The following ARMH1 variants were observed in gnomAD, a reference collection of about 807,000 sequenced individuals.
The protein encoded by ARMH1 is armadillo-like helical domain containing protein 1.
In ARMH1, 34 loss-of-function variants were observed where a neutral mutation model predicts 50.2. That is an observed-to-expected ratio of 0.68 (90% CI 0.51 to 0.90). The LOEUF is 0.90. Among genes scored for constraint, ARMH1 ranks in the 40% least tolerant of loss-of-function variants. The probability of loss-of-function intolerance (pLI) is 0.00; values close to 1 mark genes in which losing one functional copy is unlikely to be tolerated. For missense variants in ARMH1, 538 were observed against 553.9 expected, an observed-to-expected ratio of 0.97 and a Z score of 0.29; for synonymous variants, 221 against 224.2, an observed-to-expected ratio of 0.99 and a Z score of 0.13.
chr1:44,689,707 A>T lies in ARMH1; in HGVS notation c.10A>T (p.Ile4Leu), dbSNP rs1033848163. Residue 4 changes from isoleucine to leucine, a missense_variant, in exon 2 of 12, where the codon ATA becomes TTA. Transcript: ENST00000535358. The stretch of plus-strand genomic sequence containing the variant: ...TCAGGACTGATTGATCATGACTTCT[A>T]TAAAGGAGCAGGCAGCAATTAGCAG... MTS[I>L]KEQAAISRLL... 6.4e-7 allele frequency: 1 copy of T among 1,551,988 alleles called. No individual in the cohort carries two copies. The highest frequency in any genetic ancestry group is 2.4e-5 in the East Asian group (1 of 40,928).
Position 44,725,453 on chromosome 1 carries a change from T to C in ARMH1, c.*50T>C. 6.5e-7 allele frequency: 1 copy of C among 1,539,228 alleles called. No homozygotes were observed. The highest frequency in any genetic ancestry group is 8.8e-7 in the Non-Finnish European group (1 of 1,136,394). On this transcript the variant is annotated 3_prime_UTR_variant, in exon 12 of 12. Coordinates refer to ENST00000535358, the MANE Select transcript of ARMH1 (RefSeq NM_001145636.2). ...GCCAAGGCTGCGGGGCAGGGAAGCC[T>C]GGCAAGAGGAAGGCGCCTGGGGTCA... is the stretch of plus-strand genomic sequence containing the variant.
intron 6 of ARMH1, chr1:44,721,816 T>G (rs528175842): frequency 8.5e-5 from 13 of 152,200 alleles, no homozygotes; most frequent in Admixed American, 2.0e-4. Flanking sequence ...TCAAAAAATT[T>G]AACCATAAAC....
intron 6 of ARMH1, among the ~76,000 whole-genome samples, chr1:44,716,809 T>C (rs920011163): frequency 1.3e-5 from 2 of 151,944 alleles, no homozygotes; most frequent in African/African-American, 4.8e-5. Flanking sequence ...GTAGACTTAG[T>C]GGTGAAGAAT....
At chr1:44,721,051 CAAAA>C (rs770266507) in intron 6 of ARMH1, among the ~76,000 whole-genome samples, 1 of 151,254 alleles carries the variant, frequency 6.6e-6, no homozygotes, top group Non-Finnish European at 1.5e-5. Context: ...CAAAACAAAA[CAAAA>C]AAAGGGCAAA....
chr1:44,718,716 G>A (rs1286775183), intron 6 of ARMH1, among the ~76,000 whole-genome samples: 1 of 152,174 alleles, frequency 6.6e-6, no homozygotes. Flanking sequence ...AGCAGCAGTG[G>A]CTGGTTGGTC....
chr1:44,692,567 A>G (rs554365856), intron 2 of ARMH1, among the ~76,000 whole-genome samples: 4 of 152,288 alleles, frequency 2.6e-5, no homozygotes, highest in African/African-American at 9.6e-5. Flanking sequence ...AGAGGAATGA[A>G]TGACCCAGCA....
chr1:44,717,576 G>A (rs2148753882), intron 6 of ARMH1, among the ~76,000 whole-genome samples: 1 of 152,282 alleles, frequency 6.6e-6, no homozygotes, highest in South Asian at 2.1e-4. Flanking sequence ...CCTCATAAAT[G>A]CCAGTTTCCC....
intron 6 of ARMH1, among the ~76,000 whole-genome samples, chr1:44,706,585 T>C (rs12568210): frequency 0.032 from 4,867 of 152,292 alleles, 179 homozygotes; most frequent in East Asian, 0.13. Flanking sequence ...ACCTAGGTTA[T>C]TTTTGAGCAG....
At position 44,677,502 on chromosome 1, in the gene ARMH1, T is replaced by C. The variant is rs112132577; in HGVS notation, c.-23+2629T>C. 3.3e-3 allele frequency among the ~76,000 whole-genome samples: 495 copies of C among 152,272 alleles called. 4 individuals carry two copies. The highest frequency in any genetic ancestry group is 0.011 in the African/African-American group (473 of 41,546). On this transcript the variant is annotated intron_variant, in intron 1 of 11. Coordinates refer to ENST00000535358, the MANE Select transcript of ARMH1 (RefSeq NM_001145636.2). ...GGAGAGTGAAAAAAAATGTATGGAC[T>C]AGAGGTCCCAGTGAAGTCAGAGAAT...
chr1:44,714,712 G>C (rs1646775361), intron 6 of ARMH1, among the ~76,000 whole-genome samples: 1 of 152,088 alleles, frequency 6.6e-6, no homozygotes, highest in Non-Finnish European at 1.5e-5. Flanking sequence ...CTGTCACCTA[G>C]GCTGGAGTGC....
intron 1 of ARMH1, among the ~76,000 whole-genome samples, chr1:44,686,953 GA>G (rs774171806): frequency 0.024 from 1,760 of 74,262 alleles, 28 homozygotes; most frequent in African/African-American, 0.074. Context: ...CCTCATTTCA[GA>G]AAAAAAAAAA....
At chr1:44,716,056 C>T (rs1398168575) in intron 6 of ARMH1, among the ~76,000 whole-genome samples, 1 of 152,200 alleles carries the variant, frequency 6.6e-6, no homozygotes, top group Non-Finnish European at 1.5e-5. Flanking sequence ...TTCCCAAACC[C>T]ATACTCTCCT....
At chr1:44,722,038 TC>T (rs1647316320) in intron 6 of ARMH1, 1 of 152,094 alleles carries the variant, frequency 6.6e-6, no homozygotes, top group South Asian at 2.1e-4. Context: ...GGGTAAAATC[TC>T]CTGACAAAGA....
rs574391918 is a variant in ARMH1, at chr1:44,683,064, G to A, written c.-22-6612G>A. Among the ~76,000 whole-genome samples, 1 of 152,216 alleles carries A rather than the reference G, an allele frequency of 6.6e-6. No individual in the cohort carries two copies. Among genetic ancestry groups the A allele is most frequent in the African/African-American group, 2.4e-5 (1 of 41,462 alleles). On this transcript the variant is annotated intron_variant, in intron 1 of 11. Coordinates refer to ENST00000535358, the MANE Select transcript of ARMH1 (RefSeq NM_001145636.2). The surrounding 1 kb of genome is among the most constrained non-coding windows in gnomAD (Gnocchi z 4.2). ...AACAAGGGTGTGAAACTGAAATAGC[G>A]GCAGTGGAGGTGAAGACAGACAGAC...
chr1:44,700,507 C>T (rs988851985), intron 4 of ARMH1, among the ~76,000 whole-genome samples: 33 of 150,776 alleles, frequency 2.2e-4, no homozygotes, highest in Non-Finnish European at 2.5e-4. Context: ...TCCCAGCTAC[C>T]TGGGAGGCTG....
chr1:44,716,205 C>G (rs1352244220), intron 6 of ARMH1, among the ~76,000 whole-genome samples: 1 of 152,052 alleles, frequency 6.6e-6, no homozygotes, highest in African/African-American at 2.4e-5. Context: ...TCTATGGCAC[C>G]TCGTCCGCTC....
intron 6 of ARMH1, among the ~76,000 whole-genome samples, chr1:44,719,464 G>A (rs542012968): frequency 1.3e-5 from 2 of 152,202 alleles, no homozygotes; most frequent in Non-Finnish European, 2.9e-5. Flanking sequence ...CCCTGGAGTG[G>A]AGAAGTCAGC....
At chr1:44,710,814 C>G (rs998482157) in intron 6 of ARMH1, among the ~76,000 whole-genome samples, 6 of 152,144 alleles carry the variant, frequency 3.9e-5, no homozygotes, top group Non-Finnish European at 5.9e-5. Flanking sequence ...TTTCATCCCC[C>G]CAAAAGGAAA....
At chr1:44,701,541 C>T (rs1326593328) in intron 5 of ARMH1, among the ~76,000 whole-genome samples, 1 of 151,350 alleles carries the variant, frequency 6.6e-6, no homozygotes, top group Non-Finnish European at 1.5e-5. Flanking sequence ...ACAGTACCCT[C>T]GGATGCAAGT....
Sources: gnomAD v4.1 joint callset for allele counts (sites outside exome capture counted in the v4.1 genomes callset) on GRCh38, gnomAD v4.1.1 for gene constraint, Gnocchi (gnomAD v3.1) non-coding constraint, MANE v1.5 for transcripts, NCBI Gene and HGNC (gene_info 2026-07-23, HGNC 2026-07-21) for gene names.